TECPR2: variants seen among roughly 807,000 people sequenced by gnomAD.
TECPR2 encodes tectonin beta-propeller repeat containing 2.
TECPR2 carries 65 observed loss-of-function variants against 138.1 expected under a neutral mutation model. The observed-to-expected ratio is 0.47, with a 90% CI of 0.39 to 0.58. TECPR2 has a LOEUF of 0.58. TECPR2 is among the 20% of genes least tolerant of loss of function. The pLI, the probability that TECPR2 is intolerant of heterozygous loss-of-function variation, is 0.00. For synonymous variants in TECPR2, 746 were observed against 749.8 expected, an observed-to-expected ratio of 0.99 and a Z score of 0.08; for missense variants, 1,553 against 1,824.5, an observed-to-expected ratio of 0.85 and a Z score of 2.71.
Position 102,491,086 on chromosome 14 carries a change from G to C in TECPR2, c.3790-5893G>C, listed in dbSNP as rs139985720. ...ATTTTGTACTTCTAGTAGAGATGGG[G>C]TTTCATCATATTGGTCAGGCTGGTC... On this transcript the variant is annotated intron_variant, in intron 17 of 19. Transcript: ENST00000359520. Among the ~76,000 whole-genome samples the C allele has an allele frequency of 6.0e-3, 914 of 152,228 alleles. 16 individuals carry two copies. Among genetic ancestry groups the C allele is most frequent in the African/African-American group, 0.021 (882 of 41,506 alleles).
intron 17 of TECPR2, among the ~76,000 whole-genome samples, chr14:102,475,830 C>T (rs1890745946): frequency 6.6e-6 from 1 of 152,066 alleles, no homozygotes. Flanking sequence ...AATTCATAGA[C>T]AGGACATTAA....
At position 102,498,814 on chromosome 14, in the gene TECPR2, G is replaced by T; in HGVS notation, c.*557G>T. 1.7e-6 allele frequency: 1 copy of T among 575,126 alleles called. No homozygotes were observed. The highest frequency in any genetic ancestry group is 3.3e-6 in the Non-Finnish European group (1 of 301,852). 35.6% of individuals were successfully genotyped at this position (575,126 alleles called of 1,614,324 possible). On this transcript the variant is annotated 3_prime_UTR_variant, in exon 20 of 20. Coordinates refer to ENST00000359520, the MANE Select transcript of TECPR2 (RefSeq NM_014844.5). Reference sequence around the variant, plus strand: ...GCCAGGAAGCTGAGGCCGGGCTTGAGAGGAGAGCGCTGGCCATGCCAGGAG... The same window carrying T: ...GCCAGGAAGCTGAGGCCGGGCTTGATAGGAGAGCGCTGGCCATGCCAGGAG...
chr14:102,485,897 C>A (rs781702416), intron 17 of TECPR2, among the ~76,000 whole-genome samples: 1 of 152,170 alleles, frequency 6.6e-6, no homozygotes, highest in Non-Finnish European at 1.5e-5. Context: ...TGTCTCACAG[C>A]AATATTTGAG....
At chr14:102,417,872 G>C (rs1889071084) in intron 5 of TECPR2, among the ~76,000 whole-genome samples, 1 of 151,004 alleles carries the variant, frequency 6.6e-6, no homozygotes, top group African/African-American at 2.4e-5. Flanking sequence ...GGGGAGCCGT[G>C]GGGAGGCTGG....
intron 17 of TECPR2, among the ~76,000 whole-genome samples, chr14:102,480,446 G>T (rs28551719): frequency 0.086 from 13,132 of 152,016 alleles, 722 homozygotes; most frequent in African/African-American, 0.17. Flanking sequence ...GGATGGTCTC[G>T]ATCTCCTGAC....
chr14:102,415,951 G>A lies in TECPR2; in HGVS notation c.638+1158G>A, dbSNP rs988566456. ...GCCGTCCTGGAGAGTCGGGTGAGGC[G>A]GAGCCAGCCCCTGTGGTCGTAGTCA... is the stretch of plus-strand genomic sequence containing the variant. On this transcript the variant is annotated intron_variant, in intron 5 of 19. Coordinates refer to ENST00000359520, the MANE Select transcript of TECPR2 (RefSeq NM_014844.5). The surrounding 1 kb of genome is among the most constrained non-coding windows in gnomAD (Gnocchi z 4.3). 1.2e-4 allele frequency among the ~76,000 whole-genome samples: 19 copies of A among 152,218 alleles called. No homozygotes were observed. The highest frequency in any genetic ancestry group is 4.3e-4 in the African/African-American group (18 of 41,534).
intron 2 of TECPR2, among the ~76,000 whole-genome samples, 199 bp from the exon 3 acceptor site, chr14:102,407,139 C>T (rs753582360): frequency 5.3e-5 from 8 of 152,190 alleles, no homozygotes; most frequent in Non-Finnish European, 7.3e-5. Flanking sequence ...GGATTACAGG[C>T]GTGATCCACC....
intron 2 of TECPR2, among the ~76,000 whole-genome samples, chr14:102,381,886 T>G (rs150074400): frequency 6.6e-6 from 1 of 152,340 alleles, no homozygotes; most frequent in African/African-American, 2.4e-5. Context: ...TTAACAGATG[T>G]AGATGTAGTA....
intron 17 of TECPR2, among the ~76,000 whole-genome samples, chr14:102,471,152 A>G (rs771186263): frequency 6.6e-6 from 1 of 150,626 alleles, no homozygotes; most frequent in South Asian, 2.1e-4. Context: ...GGGTTTCACT[A>G]TGTTGGCCAG....
At chr14:102,396,248 A>G (rs1409030406) in intron 2 of TECPR2, among the ~76,000 whole-genome samples, 1 of 151,902 alleles carries the variant, frequency 6.6e-6, no homozygotes, top group African/African-American at 2.4e-5. Context: ...GATTACAGGC[A>G]CACACCACCA....
Position 102,419,459 on chromosome 14 carries a change from C to T in TECPR2, c.638+4666C>T, listed in dbSNP as rs559047784. On this transcript the variant is annotated intron_variant, in intron 5 of 19. Transcript: ENST00000359520. This position sits in a 1 kb window ranked among gnomAD's most constrained non-coding sequence, Gnocchi z 4.8. ...CGTGTGGCAGCACATTGGTGTGTGA[C>T]GCGGGTGCCTGTGGAGGGAACACAG... is the stretch of plus-strand genomic sequence containing the variant. 6.7e-3 allele frequency among the ~76,000 whole-genome samples: 1,017 copies of T among 152,068 alleles called. 2 individuals are homozygous for T. Among genetic ancestry groups the T allele is most frequent in the Non-Finnish European group, 0.01 (708 of 67,970 alleles).
At chr14:102,364,495 A>C (rs1887287093) in intron 1 of TECPR2, among the ~76,000 whole-genome samples, 1 of 152,160 alleles carries the variant, frequency 6.6e-6, no homozygotes, top group African/African-American at 2.4e-5. Context: ...TGAACTTTAA[A>C]AGGGAGAACT....
chr14:102,423,157 G>T (rs1889229500), intron 5 of TECPR2, among the ~76,000 whole-genome samples: 1 of 152,124 alleles, frequency 6.6e-6, no homozygotes, highest in Non-Finnish European at 1.5e-5. Context: ...TTTTGGCCAG[G>T]CGCAGTGGCT....
At chr14:102,377,872 A>T (rs1032525063) in intron 2 of TECPR2, among the ~76,000 whole-genome samples, 7 of 152,222 alleles carry the variant, frequency 4.6e-5, no homozygotes, top group Admixed American at 1.3e-4. Flanking sequence ...TGATGAAAAA[A>T]GGATGTATAT....
chr14:102,411,344 G>T (rs945378074), intron 4 of TECPR2, among the ~76,000 whole-genome samples: 1 of 152,210 alleles, frequency 6.6e-6, no homozygotes, highest in Non-Finnish European at 1.5e-5. Context: ...TTCCACGTAC[G>T]TATACGCCCA....
intron 2 of TECPR2, among the ~76,000 whole-genome samples, chr14:102,400,857 C>A (rs1888458378): frequency 6.6e-6 from 1 of 151,344 alleles, no homozygotes; most frequent in African/African-American, 2.4e-5. Flanking sequence ...GATGGTGTAA[C>A]CCCGTCTCTA....
At chr14:102,474,339 A>G (rs1890709671) in intron 17 of TECPR2, among the ~76,000 whole-genome samples, 2 of 152,228 alleles carry the variant, frequency 1.3e-5, no homozygotes, top group African/African-American at 4.8e-5. Flanking sequence ...GGTGACTGTT[A>G]TGGGGCCGGG....
chr14:102,475,995 A>G (rs940180670), intron 17 of TECPR2, among the ~76,000 whole-genome samples: 42 of 152,230 alleles, frequency 2.8e-4, no homozygotes, highest in African/African-American at 9.9e-4. Context: ...TGGGCAGACC[A>G]CCTGAGGTCA....
intron 2 of TECPR2, among the ~76,000 whole-genome samples, chr14:102,396,457 A>G (rs1888318235): frequency 6.6e-6 from 1 of 152,152 alleles, no homozygotes; most frequent in Non-Finnish European, 1.5e-5. Flanking sequence ...CATTTTCGTC[A>G]TTAGAAATGA....
Sources: allele counts gnomAD v4.1 joint callset (sites outside exome capture counted in the v4.1 genomes callset), GRCh38; gene constraint gnomAD v4.1.1; non-coding constraint Gnocchi (gnomAD v3.1); transcripts MANE v1.5; gene names NCBI Gene and HGNC (gene_info 2026-07-23, HGNC 2026-07-21).